The following THSD4 variants were observed in gnomAD, a reference collection of about 807,000 sequenced individuals.
THSD4 encodes the protein thrombospondin type 1 domain containing 4.
THSD4 carries 69 observed loss-of-function variants against 119.0 expected under a neutral mutation model. That is an observed-to-expected ratio of 0.58 (90% CI 0.48 to 0.71). The LOEUF (loss-of-function observed/expected upper bound fraction) is 0.71, where lower values mean the gene tolerates loss of function less well. Ranked by LOEUF, THSD4 falls within the 30% of genes least tolerant of loss-of-function variation. THSD4 has a pLI of 0.00. For synonymous variants in THSD4, 524 were observed against 540.4 expected, an observed-to-expected ratio of 0.97 and a Z score of 0.42; for missense variants, 1,393 against 1,391.1, an observed-to-expected ratio of 1.00 and a Z score of -0.02.
At chr15:71,399,001 C>A (rs1474973618) in intron 6 of THSD4, among the ~76,000 whole-genome samples, 1 of 152,020 alleles carries the variant, frequency 6.6e-6, no homozygotes, top group Non-Finnish European at 1.5e-5. Context: ...GGTGATCTGG[C>A]CTGCAGCAGG....
chr15:71,308,924 C>A (rs1029806655), intron 6 of THSD4, among the ~76,000 whole-genome samples: 1 of 152,166 alleles, frequency 6.6e-6, no homozygotes, highest in African/African-American at 2.4e-5. Context: ...CTTTTTAACT[C>A]TAGTCATCCT....
At chr15:71,366,581 C>A (rs191535989) in intron 6 of THSD4, among the ~76,000 whole-genome samples, 1 of 152,258 alleles carries the variant, frequency 6.6e-6, no homozygotes, top group East Asian at 1.9e-4. Flanking sequence ...CTGTTTTTCC[C>A]AATGGCCCGC....
chr15:71,374,459 T>C (rs909907388), intron 6 of THSD4, among the ~76,000 whole-genome samples: 3 of 152,150 alleles, frequency 2.0e-5, no homozygotes, highest in Non-Finnish European at 4.4e-5. Flanking sequence ...ATATGAATAA[T>C]TGGATGCAAT....
chr15:71,601,224 A>G (rs1441894872), intron 7 of THSD4, among the ~76,000 whole-genome samples: 1 of 152,212 alleles, frequency 6.6e-6, no homozygotes, highest in East Asian at 1.9e-4. Flanking sequence ...AAAGACTATC[A>G]TTTAACACTT....
chr15:71,750,328 A>G (rs187715892), intron 14 of THSD4, among the ~76,000 whole-genome samples: 6 of 152,340 alleles, frequency 3.9e-5, no homozygotes, highest in Admixed American at 6.5e-5. Context: ...TGACCGGTCA[A>G]TGGCCACCAT....
At chr15:71,193,297 T>C (rs1268326618) in intron 3 of THSD4, among the ~76,000 whole-genome samples, 1 of 152,144 alleles carries the variant, frequency 6.6e-6, no homozygotes, top group African/African-American at 2.4e-5. Flanking sequence ...ATTGGGGTGG[T>C]GGTAGAGACG....
chr15:71,129,318 C>T (rs775239484), intron 1 of THSD4, among the ~76,000 whole-genome samples: 8 of 152,110 alleles, frequency 5.3e-5, no homozygotes, highest in Non-Finnish European at 1.0e-4. Flanking sequence ...AAGAGTATTT[C>T]TCCAGAGTAC....
intron 7 of THSD4, among the ~76,000 whole-genome samples, chr15:71,641,025 T>A (rs1326445496): frequency 6.6e-6 from 1 of 151,488 alleles, no homozygotes; most frequent in Non-Finnish European, 1.5e-5. Context: ...TTACACACTC[T>A]GATCATTTAG....
At chr15:71,540,967 C>T (rs563832761) in intron 7 of THSD4, among the ~76,000 whole-genome samples, 21 of 152,282 alleles carry the variant, frequency 1.4e-4, no homozygotes, top group African/African-American at 3.1e-4. Flanking sequence ...AAGTGATCCA[C>T]CCACCTCAGC....
chr15:71,411,822 A>G lies in THSD4; in HGVS notation c.1151A>G (p.Lys384Arg). ...GTAICVSGQC[K>R]SIGCDDYLGS... Reference sequence around the variant, plus strand: ...GCCATCTGTGTGTCTGGGCAGTGCAAGGTAAGTGCCCCCGAACTGGGGTGA... The same window carrying G: ...GCCATCTGTGTGTCTGGGCAGTGCAGGGTAAGTGCCCCCGAACTGGGGTGA... Residue 384 changes from lysine (K) to arginine (R), a missense_variant and splice_region_variant, in exon 7 of 18, where the codon AAG becomes AGG. By Grantham distance (26) the Lys-to-Arg change is conservative. Transcript: ENST00000261862. 1 of 1,613,890 alleles carries G rather than the reference A, an allele frequency of 6.2e-7. No homozygotes were observed. Among genetic ancestry groups the G allele is most frequent in the Non-Finnish European group, 8.5e-7 (1 of 1,179,898 alleles).
intron 3 of THSD4, among the ~76,000 whole-genome samples, chr15:71,191,168 C>A (rs986524830): frequency 6.6e-6 from 1 of 152,170 alleles, no homozygotes; most frequent in African/African-American, 2.4e-5. Context: ...CCCAGGGCCA[C>A]CATCTTTGTC....
intron 11 of THSD4, 99 bp from the exon 12 acceptor site, chr15:71,745,007 C>T: frequency 6.8e-7 from 1 of 1,464,164 alleles, no homozygotes; most frequent in Non-Finnish European, 9.2e-7. Flanking sequence ...TGTTTCTGTG[C>T]CCTCTCTTCA....
chr15:71,243,260 A>G (rs771446752), intron 5 of THSD4, among the ~76,000 whole-genome samples, 164 bp downstream of exon 5: 10 of 149,564 alleles, frequency 6.7e-5, no homozygotes, highest in South Asian at 2.1e-4. Flanking sequence ...TTCTCCCTAC[A>G]TAGTTTTCTT....
chr15:71,741,945 T>C (rs759244674), intron 11 of THSD4, among the ~76,000 whole-genome samples: 12 of 152,236 alleles, frequency 7.9e-5, no homozygotes, highest in Admixed American at 5.9e-4. Flanking sequence ...GCCTCTCCTT[T>C]GCTCTGTCCC....
At chr15:71,216,577 G>A (rs1264437599) in intron 4 of THSD4, among the ~76,000 whole-genome samples, 1 of 152,224 alleles carries the variant, frequency 6.6e-6, no homozygotes, top group South Asian at 2.1e-4. Flanking sequence ...TGAAGGATGA[G>A]TCAAGTTTGA....
chr15:71,342,482 C>T (rs2045594776), intron 6 of THSD4: 1 of 152,504 alleles, frequency 6.6e-6, no homozygotes, highest in Non-Finnish European at 1.5e-5. Context: ...CTCTGACCCC[C>T]ACCTTGAGCT....
At chr15:71,669,193 T>A (rs1456704770) in intron 8 of THSD4, among the ~76,000 whole-genome samples, 2 of 152,228 alleles carry the variant, frequency 1.3e-5, no homozygotes. Context: ...TAATTCTTAC[T>A]AGATCTTTTT....
At chr15:71,654,260 G>A (rs958760088) in intron 7 of THSD4, among the ~76,000 whole-genome samples, 8 of 152,126 alleles carry the variant, frequency 5.3e-5, no homozygotes, top group African/African-American at 1.2e-4. Context: ...TCATGTCTCC[G>A]CTGCCTACCA....
At chr15:71,140,311 G>C (rs599780) in intron 1 of THSD4, among the ~76,000 whole-genome samples, 17,968 of 152,174 alleles carry the variant, frequency 0.12, 2,087 homozygotes, top group African/African-American at 0.3. Context: ...GGAGAAGGAA[G>C]GGCAGCCAGT....
Sources: gnomAD v4.1 joint callset for allele counts (sites outside exome capture counted in the v4.1 genomes callset) on GRCh38, gnomAD v4.1.1 for gene constraint, MANE v1.5 for transcripts, NCBI Gene and HGNC (gene_info 2026-07-23, HGNC 2026-07-21) for gene names.